Variants in SLC6A2 observed in about 807,000 individuals in gnomAD.
SLC6A2 encodes sodium-dependent noradrenaline transporter.
A neutral mutation model predicts 71.7 loss-of-function variants in SLC6A2; 26 were observed. The ratio of observed to expected loss-of-function variants is 0.36; its 90% confidence interval spans 0.27 to 0.50. SLC6A2 has a LOEUF of 0.50. Ranked by LOEUF, SLC6A2 falls within the 20% of genes least tolerant of loss-of-function variation. The probability of loss-of-function intolerance (pLI) is 0.96; values close to 1 mark genes in which losing one functional copy is unlikely to be tolerated. For missense variants in SLC6A2, 581 were observed against 803.9 expected (o/e 0.72, Z 3.35); for synonymous variants, 363 against 337.9 (o/e 1.07, Z -0.82).
Position 55,705,721 on chromosome 16 carries a change from T to G in SLC6A2, c.*3375T>G, listed in dbSNP as rs2142654166. 1 of 153,748 alleles carries G rather than the reference T, an allele frequency of 6.5e-6. No homozygotes were observed. Among genetic ancestry groups the G allele is most frequent in the African/African-American group, 2.4e-5 (1 of 41,660 alleles). The allele number at this position is 153,748 out of a possible 1,614,324, so 9.5% of individuals were successfully genotyped here. A position where few individuals can be genotyped will look rare whatever the true frequency, so the allele number is the denominator to read the frequency against. On this transcript the variant is annotated 3_prime_UTR_variant, in exon 15 of 15. Transcript: ENST00000568943. ...ATGAAGGAAACACATCACTTAACTG[T>G]AAGAATTTCCCAAAATGAACTGATG...
At position 55,705,123 on chromosome 16, in the gene SLC6A2, T is replaced by C. The variant is rs746570410; in HGVS notation, c.*2777T>C. ...TCAGGTTTTTAAAGAATTATTATTT[T>C]TCATGAAATGTAAAATATCAGTTTG... On this transcript the variant is annotated 3_prime_UTR_variant, in exon 15 of 15. Coordinates refer to ENST00000568943, the MANE Select transcript of SLC6A2 (RefSeq NM_001172501.3). 9.9e-7 allele frequency: 1 copy of C among 1,005,586 alleles called. No individual in the cohort carries two copies. The highest frequency in any genetic ancestry group is 1.5e-6 in the Non-Finnish European group (1 of 666,508). The allele number at this position is 1,005,586 out of a possible 1,614,324, so 62.3% of individuals were successfully genotyped here. A position where few individuals can be genotyped will look rare whatever the true frequency, so the allele number is the denominator to read the frequency against.
Position 55,685,145 on chromosome 16 carries a change from G to T in SLC6A2, c.647G>T (p.Arg216Leu). ...CCCCTCCCCTCTCCTCTGGGCAGGC[G>T]TGGTGTCCTGCACCTTCACGAGAGC... ...KFTPAAEFYE[R>L]GVLHLHESSG... The change falls in exon 5 of 15, where the codon CGT becomes CTT. Residue 216 changes from arginine (R) to leucine (L), a missense_variant and splice_region_variant. By Grantham distance (102) the Arg-to-Leu change is moderately radical (BLOSUM62 -2). This residue lies in a region of SLC6A2 where 87 missense variants were observed against 99.5 expected (regional missense o/e 0.87). Transcript: ENST00000568943. 1 of 1,614,114 alleles carries T rather than the reference G, an allele frequency of 6.2e-7. No homozygotes were observed. Among genetic ancestry groups the T allele is most frequent in the Non-Finnish European group, 8.5e-7 (1 of 1,180,012 alleles).
chr16:55,693,543 C>T (rs1338984574), intron 6 of SLC6A2, among the ~76,000 whole-genome samples: 3 of 152,168 alleles, frequency 2.0e-5, no homozygotes, highest in Non-Finnish European at 4.4e-5. Context: ...CCTTTATCAC[C>T]CAACGGATTA....
At position 55,672,097 on chromosome 16, in the gene SLC6A2, A is replaced by G. The variant is rs779971243; in HGVS notation, c.566A>G (p.Lys189Arg). The G allele has an allele frequency of 4.4e-5, 71 of 1,614,024 alleles. No homozygotes were observed. The highest frequency in any genetic ancestry group is 4.8e-5 in the Non-Finnish European group (57 of 1,180,034). Residue 189 changes from lysine (K) to arginine (R), a missense_variant, in exon 4 of 15, where the codon AAG (lysine) becomes AGG (arginine). Lys to Arg is a conservative substitution (Grantham distance 26). Coordinates refer to ENST00000568943, the MANE Select transcript of SLC6A2 (RefSeq NM_001172501.3). ...TWNSPNCTDP[K>R]LLNGSVLGNH... ...AACAGCCCCAACTGTACCGACCCCAAGCTCCTCAATGGCTCCGTGCTTGGC... is the reference window on the plus strand; with the variant it reads ...AACAGCCCCAACTGTACCGACCCCAGGCTCCTCAATGGCTCCGTGCTTGGC...
chr16:55,658,119 G>A (rs1429128865), intron 2 of SLC6A2, among the ~76,000 whole-genome samples: 3 of 152,160 alleles, frequency 2.0e-5, no homozygotes, highest in Non-Finnish European at 4.4e-5. Flanking sequence ...TGGGTAGAGG[G>A]AAAGCTCATG....
chr16:55,685,368 G>A, intron 5 of SLC6A2, 87 bp downstream of exon 5: 1 of 1,411,604 alleles, frequency 7.1e-7, no homozygotes, highest in Admixed American at 1.7e-5. Flanking sequence ...TGTAGCTGGT[G>A]GACAAAAAAG....
rs1459657584 is a variant in SLC6A2, at chr16:55,679,343, C to T, written c.645-5800C>T. 2.0e-5 allele frequency among the ~76,000 whole-genome samples: 3 copies of T among 151,992 alleles called. No homozygotes were observed. In the East Asian group the frequency reaches 5.8e-4, roughly 29 times the overall value. On this transcript the variant is annotated intron_variant, in intron 4 of 14. Transcript: ENST00000568943. ...CCAGGTTCAAGTGATTCTCCTGCCT[C>T]AGCCTCCCAAGTAGCTGGGACTACA... is the stretch of plus-strand genomic sequence containing the variant.
intron 5 of SLC6A2, among the ~76,000 whole-genome samples, chr16:55,690,133 A>G (rs1487024203): frequency 2.0e-5 from 3 of 152,130 alleles, no homozygotes; most frequent in African/African-American, 7.2e-5. Flanking sequence ...CAGCTACCCA[A>G]TCATAATCCA....
chr16:55,668,844 G>A (rs1224812700), intron 2 of SLC6A2, among the ~76,000 whole-genome samples: 2 of 152,134 alleles, frequency 1.3e-5, no homozygotes. Flanking sequence ...TCAGCCACCT[G>A]TAACAGTGGG....
At chr16:55,699,088 C>T (rs930684365) in intron 11 of SLC6A2, among the ~76,000 whole-genome samples, 34 of 152,094 alleles carry the variant, frequency 2.2e-4, no homozygotes, top group African/African-American at 7.7e-4. Context: ...TTTGTTTTTC[C>T]CCACCAAGTG....
intron 2 of SLC6A2, 97 bp from the exon 3 acceptor site, chr16:55,669,468 G>A: frequency 5.9e-6 from 8 of 1,364,546 alleles, no homozygotes; most frequent in Non-Finnish European, 7.3e-6. Context: ...AGCCAGCTGA[G>A]CAGACGCCCA....
chr16:55,703,132 G>A lies in SLC6A2; in HGVS notation c.*786G>A. The A allele has an allele frequency of 7.1e-6, 7 of 985,650 alleles. No individual in the cohort carries two copies. The highest frequency in any genetic ancestry group is 8.4e-6 in the Non-Finnish European group (7 of 830,112). 61.1% of individuals were successfully genotyped at this position (985,650 alleles called of 1,614,324 possible). Reference sequence around the variant, plus strand: ...CAGACAAGCTGGTGGAGGCCACGTGGCAAGCCACATCTACTGAGGCCTCAT... The same window carrying A: ...CAGACAAGCTGGTGGAGGCCACGTGACAAGCCACATCTACTGAGGCCTCAT... On this transcript the variant is annotated 3_prime_UTR_variant, in exon 15 of 15. Coordinates refer to ENST00000568943, the MANE Select transcript of SLC6A2 (RefSeq NM_001172501.3).
chr16:55,660,045 A>G (rs944859831), intron 2 of SLC6A2, among the ~76,000 whole-genome samples: 1 of 152,186 alleles, frequency 6.6e-6, no homozygotes, highest in South Asian at 2.1e-4. Context: ...AGTGCTTTAG[A>G]CAAATGCTCT....
At position 55,702,770 on chromosome 16, in the gene SLC6A2, A is replaced by G. The variant is rs556512435; in HGVS notation, c.*424A>G. ...CCCAAAAAAAAAAAAAACTAAAACT[A>G]AAGCAAAAATCAAACAAAATCTGGC... On this transcript the variant is annotated 3_prime_UTR_variant, in exon 15 of 15. Coordinates refer to ENST00000568943, the MANE Select transcript of SLC6A2 (RefSeq NM_001172501.3). 5.5e-4 allele frequency: 576 copies of G among 1,047,306 alleles called. 2 individuals carry two copies. The highest frequency in any genetic ancestry group is 6.3e-4 in the Non-Finnish European group (548 of 869,018). The allele number at this position is 1,047,306 out of a possible 1,614,324, so 64.9% of individuals were successfully genotyped here. A position where few individuals can be genotyped will look rare whatever the true frequency, so the allele number is the denominator to read the frequency against.
rs1244100386 is a variant in SLC6A2, at chr16:55,695,298, G to A, written c.1043G>A (p.Ser348Asn). 2 of 1,614,190 alleles carry A rather than the reference G, an allele frequency of 1.2e-6. No homozygotes were observed. Among genetic ancestry groups the A allele is most frequent in the Non-Finnish European group, 1.7e-6 (2 of 1,180,030 alleles). ...CCCAGGGATGCCCTGCTGACCAGCA[G>A]CATCAACTGTATCACCAGCTTCGTC... ...NCYRDALLTS[S>N]INCITSFVSG... is the part of the protein sequence containing the mutation. The change falls in exon 8 of 15, where the codon AGC (serine) becomes AAC (asparagine). Residue 348 changes from serine to asparagine, a missense_variant. Physicochemically the swap from Ser to Asn is conservative, Grantham distance 46 (BLOSUM62 1). This residue lies in a region of SLC6A2 where 334 missense variants were observed against 449.0 expected (regional missense o/e 0.74). Coordinates refer to ENST00000568943, the MANE Select transcript of SLC6A2 (RefSeq NM_001172501.3).
At chr16:55,697,544 T>G (rs1460566152) in intron 9 of SLC6A2, among the ~76,000 whole-genome samples, 1 of 152,202 alleles carries the variant, frequency 6.6e-6, no homozygotes, top group Non-Finnish European at 1.5e-5. Flanking sequence ...CTTATTGACA[T>G]GTAAACGTAT....
Position 55,671,969 on chromosome 16 carries a change from G to T in SLC6A2, c.438G>T (p.Leu146=). The change falls in exon 4 of 15, where the codon CTG becomes CTT. Residue 146 remains leucine (L), a synonymous_variant. Transcript: ENST00000568943. ...GVGYAVILIA[L]YVGFYYNVII... is the part of the protein sequence containing the mutation. ...GCTATGCTGTCATCCTGATCGCCCT[G>T]TACGTTGGCTTCTACTACAACGTCA... The T allele has an allele frequency of 6.2e-7, 1 of 1,614,124 alleles. No homozygotes were observed. The highest frequency in any genetic ancestry group is 8.5e-7 in the Non-Finnish European group (1 of 1,180,030).
chr16:55,684,317 A>AAC (rs397718169), intron 4 of SLC6A2, among the ~76,000 whole-genome samples: 1 of 136,076 alleles, frequency 7.3e-6, no homozygotes, highest in Non-Finnish European at 1.6e-5. Context: ...AAAAAAAAAA[A>AAC]CAACAACAAC....
Position 55,673,984 on chromosome 16 carries a change from C to T in SLC6A2, c.644+1809C>T, listed in dbSNP as rs564361193. On this transcript the variant is annotated intron_variant, in intron 4 of 14. Transcript: ENST00000568943. ...GGGCTCCTGGATATTTATTTTATTC[C>T]GTAGTCTTAATTCATAACTATTATT... 8.6e-5 allele frequency among the ~76,000 whole-genome samples: 13 copies of T among 151,980 alleles called. No homozygotes were observed. The South Asian group carries it at 1.3e-3, about 15-fold the overall frequency.
Sources: gnomAD v4.1 joint callset for allele counts (sites outside exome capture counted in the v4.1 genomes callset) on GRCh38, gnomAD v4.1.1 for gene constraint, gnomAD v4.1.1 regional missense constraint, MANE v1.5 for transcripts, NCBI Gene and HGNC (gene_info 2026-07-23, HGNC 2026-07-21) for gene names.